B3GALNT2: variants seen among roughly 807,000 people sequenced by gnomAD.
The protein encoded by B3GALNT2 is UDP-GalNAc:beta-1,3-N-acetylgalactosaminyltransferase 2.
Under a neutral mutation model 61.1 loss-of-function variants are expected in B3GALNT2, and 53 were observed. The ratio of observed to expected loss-of-function variants is 0.87; its 90% CI spans 0.70 to 1.09. The LOEUF (loss-of-function observed/expected upper bound fraction) is 1.09, where lower values mean the gene tolerates loss of function less well. B3GALNT2 is among the 50% of genes least tolerant of loss of function. The pLI, the probability that B3GALNT2 is intolerant of heterozygous loss-of-function variation, is 0.00. For missense variants in B3GALNT2, 544 were observed against 623.0 expected (o/e 0.87, Z 1.35); for synonymous variants, 223 against 237.4 (o/e 0.94, Z 0.56).
intron 4 of B3GALNT2, among the ~76,000 whole-genome samples, chr1:235,481,344 AAT>A (rs1236972920): frequency 3.3e-5 from 5 of 152,078 alleles, no homozygotes; most frequent in African/African-American, 1.2e-4. Context: ...GCACACTATA[AAT>A]AGTTTTGTTT....
In B3GALNT2 at chr1:235,487,640, T is replaced by C. The variant is rs1430625373; in HGVS notation, c.361+1528A>G. 2.6e-5 allele frequency among the ~76,000 whole-genome samples: 4 copies of C among 152,212 alleles called. No homozygotes were observed. The East Asian group carries it at 7.7e-4, about 29-fold the overall frequency. On this transcript the variant is annotated intron_variant, in intron 3 of 11. Coordinates refer to ENST00000366600, the MANE Select transcript of B3GALNT2 (RefSeq NM_152490.5). Reference sequence around the variant, plus strand: ...AATACCAGAAGTCCTAATCAGCATATTTAAGACTTGGAAGTATAACCTCCC... The same window carrying C: ...AATACCAGAAGTCCTAATCAGCATACTTAAGACTTGGAAGTATAACCTCCC...
At chr1:235,444,945 G>GT (rs1210659574), downstream of B3GALNT2, among the ~76,000 whole-genome samples, 1 of 152,268 alleles carries the variant, frequency 6.6e-6, no homozygotes, top group Non-Finnish European at 1.5e-5. Context: ...TTGGCTGGGG[G>GT]TGACAGTGCC....
rs138436770 is a variant in B3GALNT2, at chr1:235,455,620, C to T, written c.1090G>A (p.Glu364Lys). The T allele has an allele frequency of 1.8e-5, 29 of 1,605,492 alleles. No homozygotes were observed. The highest frequency in any genetic ancestry group is 1.6e-4 in the African/African-American group (12 of 74,712). The part of the protein sequence containing the change: ...KTDDDCYIDL[E>K]AVFNRIVQKN... The stretch of plus-strand genomic sequence containing the variant: ...TGGACAATCCTATTAAATACAGCTT[C>T]GAGGTCTATGTAACAGTCATCATCT... Residue 364 changes from glutamate to lysine, a missense_variant, in exon 9 of 12, where the codon GAA becomes AAA. Transcript: ENST00000366600.
rs1553356208 is a variant in B3GALNT2, at chr1:235,504,243, A to G, written c.10T>C (p.Trp4Arg). 6.7e-7 allele frequency: 1 copy of G among 1,485,974 alleles called. No homozygotes were observed. The highest frequency in any genetic ancestry group is 2.2e-4 in the Middle Eastern group (1 of 4,520). The allele number at this position is 1,485,974 out of a possible 1,614,324, so 92.0% of individuals were successfully genotyped here. A position where few individuals can be genotyped will look rare whatever the true frequency, so the allele number is the denominator to read the frequency against. ...ACACACGGGCACAGCAGCACCAGCC[A>G]GTTTCGCATTGGCCGCCCCCGCCGC... MRN[W>R]LVLLCPCVLG... Residue 4 changes from tryptophan (W) to arginine (R), a missense_variant, in exon 1 of 12, where the codon TGG (tryptophan) becomes CGG (arginine). Transcript: ENST00000366600.
At chr1:235,458,030 C>G (rs919366205) in intron 8 of B3GALNT2, among the ~76,000 whole-genome samples, 4 of 151,980 alleles carry the variant, frequency 2.6e-5, no homozygotes, top group African/African-American at 4.8e-5. Flanking sequence ...CCTCAGCCCC[C>G]CTGAGTGGCT....
At chr1:235,451,181 C>T (rs1396617565) in intron 11 of B3GALNT2, 1 of 152,148 alleles carries the variant, frequency 6.6e-6, no homozygotes, top group Non-Finnish European at 1.5e-5. Context: ...GGGCCACAGC[C>T]TCAGGGGTGA....
At chr1:235,455,980 T>G (rs1186366532) in intron 8 of B3GALNT2, among the ~76,000 whole-genome samples, 1 of 152,222 alleles carries the variant, frequency 6.6e-6, no homozygotes, top group Non-Finnish European at 1.5e-5. Flanking sequence ...AACAAATGCT[T>G]CTTAGGCATC....
At chr1:235,497,951 C>T (rs1452281872) in intron 1 of B3GALNT2, among the ~76,000 whole-genome samples, 1 of 152,208 alleles carries the variant, frequency 6.6e-6, no homozygotes, top group South Asian at 2.1e-4. Context: ...TGCTTCTAAT[C>T]CATGTCTAAG....
chr1:235,494,411 A>C (rs1157224767), intron 2 of B3GALNT2, among the ~76,000 whole-genome samples: 1 of 152,116 alleles, frequency 6.6e-6, no homozygotes, highest in African/African-American at 2.4e-5. Context: ...GGAAGAGCCC[A>C]CATATCTGAA....
intron 7 of B3GALNT2, among the ~76,000 whole-genome samples, chr1:235,460,455 A>T (rs551672818): frequency 0.068 from 4,599 of 67,158 alleles, 249 homozygotes; most frequent in African/African-American, 0.18. Flanking sequence ...TGTTTTATTT[A>T]AAAAAAAAAA....
chr1:235,493,714 G>A (rs745376886), intron 2 of B3GALNT2, among the ~76,000 whole-genome samples: 1 of 151,962 alleles, frequency 6.6e-6, no homozygotes, highest in Non-Finnish European at 1.5e-5. Context: ...GGAATTGGAG[G>A]TTGCAGTGAG....
intron 5 of B3GALNT2, among the ~76,000 whole-genome samples, chr1:235,476,246 C>T (rs1281897641): frequency 6.6e-6 from 1 of 151,908 alleles, no homozygotes; most frequent in African/African-American, 2.4e-5. Context: ...CCCGTCTGTA[C>T]TAAAAATACA....
intron 2 of B3GALNT2, among the ~76,000 whole-genome samples, chr1:235,490,158 C>T (rs1044666495): frequency 1.3e-5 from 2 of 152,110 alleles, no homozygotes; most frequent in African/African-American, 2.4e-5. Flanking sequence ...TTTTTACTTC[C>T]TCTCCCTAAA....
intron 1 of B3GALNT2, among the ~76,000 whole-genome samples, chr1:235,500,774 A>G (rs1187059609): frequency 1.3e-5 from 2 of 152,238 alleles, no homozygotes; most frequent in East Asian, 3.8e-4. Context: ...AGTGTTTACT[A>G]TGAAACAGGC....
downstream of B3GALNT2, among the ~76,000 whole-genome samples, chr1:235,444,096 A>G (rs1469496772): frequency 6.6e-6 from 1 of 152,184 alleles, no homozygotes; most frequent in Non-Finnish European, 1.5e-5. Context: ...GTAAATTCAC[A>G]TTGATTTTTA....
At chr1:235,504,078 G>A (rs1685715202) in intron 1 of B3GALNT2, 63 bp downstream of exon 1, 5 of 1,195,430 alleles carry the variant, frequency 4.2e-6, no homozygotes, top group Non-Finnish European at 5.2e-6. Context: ...GAAGCCCCGC[G>A]GCACCAAGCC....
chr1:235,494,583 G>C (rs539581881), intron 2 of B3GALNT2, 98 bp downstream of exon 2: 1 of 1,327,246 alleles, frequency 7.5e-7, no homozygotes, highest in African/African-American at 1.5e-5. Flanking sequence ...CAGCCTCCCC[G>C]GTAGCTGGGA....
intron 1 of B3GALNT2, chr1:235,496,348 G>A (rs1685322565): frequency 1.0e-6 from 1 of 985,860 alleles, no homozygotes. Context: ...ATGGAATAGA[G>A]GTATTTATTA....
chr1:235,494,591 G>A, intron 2 of B3GALNT2, 90 bp downstream of exon 2: 2 of 1,388,960 alleles, frequency 1.4e-6, no homozygotes, highest in South Asian at 1.4e-5. Flanking sequence ...CCGGTAGCTG[G>A]GACGACGGGC....
Sources: gnomAD v4.1 joint callset for allele counts (sites outside exome capture counted in the v4.1 genomes callset) on GRCh38, gnomAD v4.1.1 for gene constraint, MANE v1.5 for transcripts, NCBI Gene and HGNC (gene_info 2026-07-23, HGNC 2026-07-21) for gene names.